DPP10: variants seen among roughly 807,000 people sequenced by gnomAD.
DPP10 encodes dipeptidyl peptidase like 10.
A neutral mutation model predicts 120.9 loss-of-function variants in DPP10; 33 were observed. The ratio of observed to expected loss-of-function variants is 0.27; its 90% confidence interval spans 0.21 to 0.37. The LOEUF (loss-of-function observed/expected upper bound fraction) is 0.37, where lower values mean the gene tolerates loss of function less well. DPP10 is among the 10% of genes least tolerant of loss of function. The pLI is 1.00. For missense variants in DPP10, 816 were observed against 942.8 expected, an observed-to-expected ratio of 0.87 and a Z score of 1.76; for synonymous variants, 337 against 326.1, an observed-to-expected ratio of 1.03 and a Z score of -0.36.
At chr2:114,840,566 T>C (rs1490968482) in intron 1 of DPP10, among the ~76,000 whole-genome samples, 1 of 152,150 alleles carries the variant, frequency 6.6e-6, no homozygotes, top group African/African-American at 2.4e-5. Context: ...CCATTTAAAA[T>C]AGGAAAACAA....
intron 21 of DPP10, among the ~76,000 whole-genome samples, chr2:115,819,713 G>T (rs559702768): frequency 6.6e-6 from 1 of 152,006 alleles, no homozygotes; most frequent in Admixed American, 6.6e-5. Flanking sequence ...AAGCACTTAG[G>T]CTGGGTTTGG....
chr2:114,920,008 AT>A (rs1435899157), intron 1 of DPP10, among the ~76,000 whole-genome samples: 1 of 152,132 alleles, frequency 6.6e-6, no homozygotes, highest in Admixed American at 6.5e-5. Flanking sequence ...GACTCCTCTT[AT>A]TTAGTCACAT....
intron 1 of DPP10, among the ~76,000 whole-genome samples, chr2:114,581,942 A>G (rs754799777): frequency 5.3e-5 from 8 of 152,138 alleles, no homozygotes; most frequent in Non-Finnish European, 8.8e-5. Flanking sequence ...ATTCCAATTG[A>G]TGAACCTGTA....
chr2:114,633,248 CTTTTT>C (rs35372708), intron 1 of DPP10, among the ~76,000 whole-genome samples: 2 of 72,810 alleles, frequency 2.7e-5, no homozygotes, highest in Admixed American at 1.7e-4. Flanking sequence ...GTTTTTCTTT[CTTTTT>C]TTTTTTTTTT....
chr2:115,700,103 C>T (rs2091819883), intron 7 of DPP10, among the ~76,000 whole-genome samples: 1 of 152,120 alleles, frequency 6.6e-6, no homozygotes. Context: ...AGAGTTACCA[C>T]ACACTTTTAA....
At chr2:114,675,261 A>T (rs184396450) in intron 1 of DPP10, among the ~76,000 whole-genome samples, 2 of 152,292 alleles carry the variant, frequency 1.3e-5, no homozygotes, top group Admixed American at 1.3e-4. Flanking sequence ...GCAGAAAAGT[A>T]GTTTCATAAT....
At chr2:115,415,780 A>C (rs112963891) in intron 3 of DPP10, among the ~76,000 whole-genome samples, 8,697 of 147,456 alleles carry the variant, frequency 0.059, 381 homozygotes, top group Middle Eastern at 0.11. Context: ...TCTTGGCTTT[A>C]TATCAGTGGA....
At chr2:114,954,080 C>CTTT (rs66485866) in intron 1 of DPP10, among the ~76,000 whole-genome samples, 72,032 of 121,992 alleles carry the variant, frequency 0.59, 22,642 homozygotes, top group East Asian at 0.74. Flanking sequence ...TTAAGAAGTC[C>CTTT]TTTTTTTTTT....
chr2:115,444,194 A>G (rs1364115262), intron 3 of DPP10, among the ~76,000 whole-genome samples: 1 of 152,166 alleles, frequency 6.6e-6, no homozygotes, highest in Non-Finnish European at 1.5e-5. Context: ...AGTTCTGGTC[A>G]TTTTAGTCTT....
chr2:114,827,063 G>C (rs1249138868), intron 1 of DPP10, among the ~76,000 whole-genome samples: 1 of 151,942 alleles, frequency 6.6e-6, no homozygotes, highest in Non-Finnish European at 1.5e-5. Context: ...AGGTTTTATG[G>C]CTTGTTTGGG....
At chr2:114,491,430 T>C (rs936614390) in intron 1 of DPP10, among the ~76,000 whole-genome samples, 3 of 152,220 alleles carry the variant, frequency 2.0e-5, no homozygotes, top group Admixed American at 6.5e-5. Flanking sequence ...ATCCTTTGTA[T>C]AAAAATCAGT....
At chr2:115,033,893 CTTTTTTTTTTTT>C (rs965717193) in intron 1 of DPP10, among the ~76,000 whole-genome samples, 1 of 89,862 alleles carries the variant, frequency 1.1e-5, no homozygotes, top group South Asian at 4.2e-4. Flanking sequence ...TTTTCTTTTT[CTTTTTTTTTTTT>C]TTTTTTTTTT....
chr2:115,725,389 C>G (rs937953439), intron 7 of DPP10, among the ~76,000 whole-genome samples: 1 of 152,262 alleles, frequency 6.6e-6, no homozygotes, highest in Middle Eastern at 3.4e-3. Context: ...TTCATGAAGA[C>G]AGCTACTTAT....
intron 1 of DPP10, among the ~76,000 whole-genome samples, chr2:114,774,333 G>A (rs1681539802): frequency 6.6e-6 from 1 of 151,844 alleles, no homozygotes; most frequent in Non-Finnish European, 1.5e-5. Flanking sequence ...GCAGTAAGTG[G>A]AGTCTTTGGG....
chr2:114,826,451 A>C (rs1161663762), intron 1 of DPP10, among the ~76,000 whole-genome samples: 1 of 152,248 alleles, frequency 6.6e-6, no homozygotes, highest in Admixed American at 6.5e-5. Context: ...AGACTGGCAA[A>C]TTAAAAGCAT....
intron 4 of DPP10, among the ~76,000 whole-genome samples, chr2:115,506,582 A>T (rs1039661479): frequency 6.6e-6 from 1 of 152,106 alleles, no homozygotes; most frequent in Admixed American, 6.5e-5. Context: ...AGTTTTTTAT[A>T]TATATAAAAA....
chr2:115,051,316 A>C (rs1412449086), intron 1 of DPP10, among the ~76,000 whole-genome samples: 1 of 152,196 alleles, frequency 6.6e-6, no homozygotes, highest in East Asian at 1.9e-4. Context: ...AAAGAGAAAG[A>C]AATTTAAGAA....
intron 1 of DPP10, among the ~76,000 whole-genome samples, chr2:114,765,007 G>A (rs1395946561): frequency 6.6e-6 from 1 of 151,988 alleles, no homozygotes; most frequent in African/African-American, 2.4e-5. Flanking sequence ...TCCAGCTTTT[G>A]AATGAACATG....
At chr2:114,561,069 G>A (rs143450801) in intron 1 of DPP10, among the ~76,000 whole-genome samples, 8 of 152,200 alleles carry the variant, frequency 5.3e-5, no homozygotes, top group Non-Finnish European at 7.4e-5. Flanking sequence ...TCCTGCCTGG[G>A]TGTCTCCTGT....
Sources: allele counts gnomAD v4.1 joint callset (sites outside exome capture counted in the v4.1 genomes callset), GRCh38; gene constraint gnomAD v4.1.1; transcripts MANE v1.5; gene names NCBI Gene and HGNC (gene_info 2026-07-23, HGNC 2026-07-21).